Variants in PPP2R3C observed in about 807,000 individuals in gnomAD.
The protein encoded by PPP2R3C is serine/threonine-protein phosphatase 2A regulatory subunit B'' subunit gamma.
PPP2R3C carries 47 observed loss-of-function variants against 63.7 expected under a neutral mutation model. That is an observed-to-expected ratio of 0.74 (90% CI 0.58 to 0.94). The LOEUF is 0.94. Among genes scored for constraint, PPP2R3C ranks in the 40% least tolerant of loss-of-function variants. PPP2R3C has a pLI of 0.00. For synonymous variants in PPP2R3C, 180 were observed against 177.4 expected (o/e 1.01, Z -0.12); for missense variants, 421 against 518.4 (o/e 0.81, Z 1.82).
At chr14:35,112,540 A>G (rs1317353976) in intron 2 of PPP2R3C, among the ~76,000 whole-genome samples, 1 of 152,164 alleles carries the variant, frequency 6.6e-6, no homozygotes, top group Non-Finnish European at 1.5e-5. Flanking sequence ...CATCCCTCCC[A>G]TCAGAAGGAA....
intron 9 of PPP2R3C, 100 bp downstream of exon 9, chr14:35,096,458 T>G (rs2046002923): frequency 9.7e-7 from 1 of 1,032,994 alleles, no homozygotes; most frequent in Non-Finnish European, 1.4e-6. Flanking sequence ...TTAAATATTT[T>G]GATCTTAAGG....
At chr14:35,101,819 T>G (rs1452786240) in intron 6 of PPP2R3C, 1 of 151,986 alleles carries the variant, frequency 6.6e-6, no homozygotes, top group African/African-American at 2.4e-5. Flanking sequence ...GAGCTTTTTA[T>G]ATATTAGGGT....
chr14:35,109,222 A>C (rs1034923028), intron 4 of PPP2R3C, among the ~76,000 whole-genome samples: 1 of 151,820 alleles, frequency 6.6e-6, no homozygotes, highest in African/African-American at 2.4e-5. Flanking sequence ...ACGCCCAGCT[A>C]ATTTTTGTAT....
intron 1 of PPP2R3C, chr14:35,117,123 A>T (rs2046731966): frequency 2.2e-6 from 1 of 455,890 alleles, no homozygotes; most frequent in Non-Finnish European, 4.4e-6. Context: ...TGAGCAAGAC[A>T]GCCCCAGCCC....
chr14:35,108,188 T>C lies in PPP2R3C; in HGVS notation c.453A>G (p.Ser151=). Residue 151 remains serine (S), a synonymous_variant, in exon 5 of 13, where the codon TCA becomes TCG. Transcript: ENST00000261475. ...KVFAKLLHTD[S]YGRISIMQFF... Reference sequence around the variant, plus strand: ...ACTGCATGATGGAAATTCTTCCATATGAATCTGTATGAAGGAGTTTAGCAA... The same window carrying C: ...ACTGCATGATGGAAATTCTTCCATACGAATCTGTATGAAGGAGTTTAGCAA... The C allele has an allele frequency of 6.2e-7, 1 of 1,602,348 alleles. No homozygotes were observed. The highest frequency in any genetic ancestry group is 8.5e-7 in the Non-Finnish European group (1 of 1,177,112).
chr14:35,110,738 G>A (rs1437049849), intron 2 of PPP2R3C, 109 bp from the exon 3 acceptor site: 2 of 667,880 alleles, frequency 3.0e-6, no homozygotes, highest in East Asian at 2.7e-5. Flanking sequence ...ATTATTTCTT[G>A]TATCTCACCT....
intron 2 of PPP2R3C, among the ~76,000 whole-genome samples, chr14:35,111,465 T>C (rs1414153520): frequency 6.6e-6 from 1 of 152,208 alleles, no homozygotes; most frequent in Non-Finnish European, 1.5e-5. Context: ...TAGTTTATGA[T>C]TTAAATGATA....
intron 2 of PPP2R3C, among the ~76,000 whole-genome samples, chr14:35,115,155 TTTTTTC>T (rs1357746095): frequency 5.3e-5 from 8 of 151,368 alleles, no homozygotes; most frequent in African/African-American, 9.7e-5. Flanking sequence ...CGGCTTTTTT[TTTTTTC>T]TTTTTCTTTT....
chr14:35,087,752 T>A (rs550526145), intron 12 of PPP2R3C, 199 bp downstream of exon 12: 1 of 543,124 alleles, frequency 1.8e-6, no homozygotes, highest in African/African-American at 1.9e-5. Context: ...AACATAATGA[T>A]GACAATACTA....
intron 12 of PPP2R3C, 164 bp from the exon 13 acceptor site, chr14:35,085,942 CCATTT>C: frequency 1.7e-6 from 1 of 588,908 alleles, no homozygotes. Context: ...TTTTTCTTTT[CCATTT>C]AACAGGCAGT....
intron 6 of PPP2R3C, chr14:35,102,797 G>A (rs746722864): frequency 6.6e-6 from 1 of 152,188 alleles, no homozygotes; most frequent in African/African-American, 2.4e-5. Flanking sequence ...GCCTTGCTCT[G>A]TCGCCCAAGC....
intron 2 of PPP2R3C, 130 bp downstream of exon 2, chr14:35,116,480 C>T (rs1382173868): frequency 4.8e-6 from 3 of 621,212 alleles, no homozygotes; most frequent in Non-Finnish European, 7.3e-6. Context: ...GTCTCAAATT[C>T]CTGGACTCAA....
chr14:35,121,245 C>T (rs1162305101), intron 1 of PPP2R3C, among the ~76,000 whole-genome samples: 1 of 152,044 alleles, frequency 6.6e-6, no homozygotes, highest in Non-Finnish European at 1.5e-5. Context: ...GCCGTGGTTG[C>T]GCGCGCTTAT....
chr14:35,115,959 T>C (rs1449530998), intron 2 of PPP2R3C, among the ~76,000 whole-genome samples: 1 of 152,152 alleles, frequency 6.6e-6, no homozygotes, highest in Non-Finnish European at 1.5e-5. Context: ...TAATCTATTT[T>C]TCGGTTTAGC....
intron 2 of PPP2R3C, among the ~76,000 whole-genome samples, chr14:35,115,489 T>G (rs968101595): frequency 6.6e-6 from 1 of 152,036 alleles, no homozygotes; most frequent in Admixed American, 6.6e-5. Flanking sequence ...ACAGGGTCTT[T>G]GCTCTATCAC....
At chr14:35,086,117 G>A (rs2045585485) in intron 12 of PPP2R3C, 1 of 190,892 alleles carries the variant, frequency 5.2e-6, no homozygotes, top group East Asian at 1.3e-4. Flanking sequence ...TTCAGGGACT[G>A]CACGTTAACT....
At chr14:35,119,139 G>A (rs1375561109) in intron 1 of PPP2R3C, among the ~76,000 whole-genome samples, 1 of 151,344 alleles carries the variant, frequency 6.6e-6, no homozygotes, top group Non-Finnish European at 1.5e-5. Context: ...CTGGGTTCAA[G>A]CGATTCTCCC....
intron 1 of PPP2R3C, among the ~76,000 whole-genome samples, chr14:35,119,140 C>T (rs8019523): frequency 0.11 from 15,721 of 149,560 alleles, 1,021 homozygotes; most frequent in African/African-American, 0.19. Flanking sequence ...TGGGTTCAAG[C>T]GATTCTCCCG....
rs945617481 is a variant in PPP2R3C, at chr14:35,112,613, TTCC to T, written c.187-1987_187-1985del. Among the ~76,000 whole-genome samples, 45 of 152,190 alleles carry T rather than the reference TTCC, an allele frequency of 3.0e-4. 1 individual carries two copies. Among genetic ancestry groups the T allele is most frequent in the African/African-American group, 1.0e-3 (43 of 41,448 alleles). On this transcript the variant is annotated intron_variant, in intron 2 of 12. Transcript: ENST00000261475. ...AGGCCCCCCAACCATCTGAATGGAC[TTCC>T]TCCTCAGTCAGCGCCCTTAAAATTT...
Sources: allele counts gnomAD v4.1 joint callset (sites outside exome capture counted in the v4.1 genomes callset), GRCh38; gene constraint gnomAD v4.1.1; transcripts MANE v1.5; gene names NCBI Gene and HGNC (gene_info 2026-07-23, HGNC 2026-07-21).